Variants in PDE10A observed in about 807,000 individuals in gnomAD.
The protein encoded by PDE10A is phosphodiesterase 10A.
A neutral mutation model predicts 97.7 loss-of-function variants in PDE10A; 39 were observed. That is an observed-to-expected ratio of 0.40 (90% CI 0.31 to 0.52). The LOEUF is 0.52. Among genes scored for constraint, PDE10A ranks in the 20% least tolerant of loss-of-function variants. PDE10A has a pLI of 0.56. For missense variants in PDE10A, 731 were observed against 1,047.8 expected, an observed-to-expected ratio of 0.70 and a Z score of 4.17; for synonymous variants, 371 against 376.8, an observed-to-expected ratio of 0.98 and a Z score of 0.18.
chr6:165,839,833 T>C (rs1175692610), intron 1 of PDE10A, among the ~76,000 whole-genome samples: 5 of 56,534 alleles, frequency 8.8e-5, no homozygotes, highest in African/African-American at 3.5e-4. Context: ...TCCAATCTCG[T>C]CTCCATTCTT....
At chr6:165,564,631 A>G (rs1468479931) in intron 1 of PDE10A, among the ~76,000 whole-genome samples, 3 of 152,182 alleles carry the variant, frequency 2.0e-5, no homozygotes. Flanking sequence ...CCCATAGCAC[A>G]TATTATACTT....
chr6:165,676,742 T>A (rs577006289), intron 1 of PDE10A, among the ~76,000 whole-genome samples: 1 of 46,876 alleles, frequency 2.1e-5, no homozygotes, highest in East Asian at 3.1e-3. Flanking sequence ...CGATCTGACT[T>A]TTTTTTTTAA....
chr6:165,691,589 GCGCACACACACACACACACACA>G (rs1791301499), intron 1 of PDE10A, among the ~76,000 whole-genome samples: 1 of 144,484 alleles, frequency 6.9e-6, no homozygotes, highest in Admixed American at 7.0e-5. Flanking sequence ...ATGCACGCGC[GCGCACACACACACACACACACA>G]CACACACACA....
chr6:165,475,969 A>G (rs1779271535), intron 3 of PDE10A, among the ~76,000 whole-genome samples: 3 of 152,186 alleles, frequency 2.0e-5, no homozygotes, highest in African/African-American at 7.2e-5. Context: ...CAGTCACTCC[A>G]GACTGAACTG....
intron 6 of PDE10A, among the ~76,000 whole-genome samples, chr6:165,434,819 C>T (rs867944069): frequency 6.6e-6 from 1 of 152,198 alleles, no homozygotes; most frequent in African/African-American, 2.4e-5. Context: ...TCCAGACCAG[C>T]AGAATAACCC....
chr6:165,977,469 A>G (rs1784885136), intron 1 of PDE10A, among the ~76,000 whole-genome samples: 1 of 152,202 alleles, frequency 6.6e-6, no homozygotes, highest in Non-Finnish European at 1.5e-5. Flanking sequence ...TAAATGAACA[A>G]GCACCAAATT....
chr6:165,485,479 A>AAAAT (rs1475134539), intron 2 of PDE10A, among the ~76,000 whole-genome samples: 61 of 151,886 alleles, frequency 4.0e-4, no homozygotes, highest in African/African-American at 1.4e-3. Flanking sequence ...AAAAAAAAAA[A>AAAAT]AAAAAAAGAC....
intron 1 of PDE10A, among the ~76,000 whole-genome samples, chr6:165,905,457 C>T (rs1023871328): frequency 2.6e-5 from 4 of 151,974 alleles, no homozygotes; most frequent in African/African-American, 9.7e-5. Context: ...AGAATCTTGT[C>T]CATATCTATT....
At position 165,388,458 on chromosome 6, in the gene PDE10A, A is replaced by C. The variant is rs766801727; in HGVS notation, c.2455-5T>G. ...CGCAATCAGCAGTCCTTTGCGCTTTAAAAAATAATATGATGCAGAGATGCT... is the reference window on the plus strand; with the variant it reads ...CGCAATCAGCAGTCCTTTGCGCTTTCAAAAATAATATGATGCAGAGATGCT... On this transcript the variant is annotated splice_region_variant and splice_polypyrimidine_tract_variant and intron_variant, in intron 16 of 21. Coordinates refer to ENST00000539869, the MANE Select transcript of PDE10A (RefSeq NM_001385079.1). The surrounding 1 kb of genome is among the most constrained non-coding windows in gnomAD (Gnocchi z 4.0). The C allele has an allele frequency of 2.0e-5, 32 of 1,613,538 alleles. No homozygotes were observed. Among genetic ancestry groups the C allele is most frequent in the Non-Finnish European group, 5.1e-6 (6 of 1,179,734 alleles).
intron 1 of PDE10A, among the ~76,000 whole-genome samples, chr6:165,712,268 C>T (rs896420442): frequency 1.3e-5 from 2 of 152,128 alleles, no homozygotes. Flanking sequence ...CTTGAAGGAC[C>T]GTTTCATGAA....
intron 10 of PDE10A, among the ~76,000 whole-genome samples, chr6:165,427,753 T>A (rs1490666350): frequency 6.6e-6 from 1 of 152,136 alleles, no homozygotes; most frequent in Non-Finnish European, 1.5e-5. Context: ...TCAGTCTACA[T>A]TATAACTTTA....
At chr6:165,902,277 C>G (rs954085892) in intron 1 of PDE10A, among the ~76,000 whole-genome samples, 1 of 152,190 alleles carries the variant, frequency 6.6e-6, no homozygotes, top group Non-Finnish European at 1.5e-5. Flanking sequence ...CAAACAGATG[C>G]CATGATTTGA....
chr6:165,889,712 ACT>A (rs1781723085), intron 1 of PDE10A, among the ~76,000 whole-genome samples: 1 of 151,886 alleles, frequency 6.6e-6, no homozygotes, highest in South Asian at 2.1e-4. Flanking sequence ...CAGGACTATG[ACT>A]CTACTCGGAA....
At chr6:165,837,647 A>C (rs946615037) in intron 1 of PDE10A, among the ~76,000 whole-genome samples, 15 of 132,104 alleles carry the variant, frequency 1.1e-4, no homozygotes, top group Admixed American at 3.2e-4. Flanking sequence ...CTGCTGATTT[A>C]TATCTCTCCT....
chr6:165,629,959 T>C (rs189184476), intron 1 of PDE10A, among the ~76,000 whole-genome samples: 6 of 152,294 alleles, frequency 3.9e-5, no homozygotes, highest in South Asian at 2.1e-4. Context: ...CAAGAATAAA[T>C]TGATACCATA....
chr6:165,648,579 A>C (rs968097137), intron 1 of PDE10A, among the ~76,000 whole-genome samples: 3 of 152,134 alleles, frequency 2.0e-5, no homozygotes, highest in African/African-American at 7.2e-5. Flanking sequence ...AGTACTTTCC[A>C]CCAGACTGCA....
chr6:165,656,128 C>G (rs1355720038), intron 1 of PDE10A, among the ~76,000 whole-genome samples: 3 of 151,864 alleles, frequency 2.0e-5, no homozygotes, highest in Non-Finnish European at 4.4e-5. Context: ...CAGAGACGAT[C>G]CCTACTACCA....
At chr6:165,333,238 TG>T in intron 21 of PDE10A, 111 bp from the exon 22 acceptor site, 1 of 700,082 alleles carries the variant, frequency 1.4e-6, no homozygotes. Context: ...CGGCATTGTG[TG>T]GGGCCCTCCG....
At chr6:165,358,191 T>C (rs2128190517) in intron 18 of PDE10A, among the ~76,000 whole-genome samples, 1 of 152,262 alleles carries the variant, frequency 6.6e-6, no homozygotes, top group African/African-American at 2.4e-5. Flanking sequence ...ACTTCAATCT[T>C]TTGAAATTTA....
Sources: gnomAD v4.1 joint callset for allele counts (sites outside exome capture counted in the v4.1 genomes callset) on GRCh38, gnomAD v4.1.1 for gene constraint, Gnocchi (gnomAD v3.1) non-coding constraint, MANE v1.5 for transcripts, NCBI Gene and HGNC (gene_info 2026-07-23, HGNC 2026-07-21) for gene names.